ZNG1E: variants seen among roughly 807,000 people sequenced by gnomAD.
The protein encoded by ZNG1E is Zn regulated GTPase metalloprotein activator 1E.
At chr9:65,732,722 A>G in the ZNG1E span, 2 of 1,326,446 alleles carry the variant, frequency 1.5e-6, no homozygotes, top group Non-Finnish European at 1.9e-6. Flanking sequence ...AAAAACACTG[A>G]AAAACCATCC....
At chr9:65,699,122 C>T in the ZNG1E span, among the ~76,000 whole-genome samples, 1 of 150,810 alleles carries the variant, frequency 6.6e-6, no homozygotes, top group Non-Finnish European at 1.5e-5. Flanking sequence ...GGGGTTTCAC[C>T]ATGTTGGCCA....
the ZNG1E span, among the ~76,000 whole-genome samples, chr9:65,685,072 T>C: frequency 4.1e-5 from 6 of 144,612 alleles, no homozygotes; most frequent in Admixed American, 4.2e-4. Flanking sequence ...AAAAAAAAGC[T>C]GTGTTTATAC....
chr9:65,667,456 G>A, the ZNG1E span, among the ~76,000 whole-genome samples: 2 of 152,286 alleles, frequency 1.3e-5, no homozygotes, highest in Admixed American at 1.3e-4. Context: ...TTCCATAACT[G>A]AAGTAAACTA....
chr9:65,681,363 CT>C, the ZNG1E span, among the ~76,000 whole-genome samples: 1 of 152,332 alleles, frequency 6.6e-6, no homozygotes, highest in African/African-American at 2.4e-5. Flanking sequence ...TAGGATGTGT[CT>C]TTTTTCAGGG....
chr9:65,686,367 T>C, the ZNG1E span, among the ~76,000 whole-genome samples: 1 of 152,210 alleles, frequency 6.6e-6, no homozygotes, highest in African/African-American at 2.4e-5. Flanking sequence ...CCGGGCTCGG[T>C]GGCTCATGCC....
chr9:65,657,487 A>C, the ZNG1E span, among the ~76,000 whole-genome samples: 1 of 152,282 alleles, frequency 6.6e-6, no homozygotes, highest in Non-Finnish European at 1.5e-5. Context: ...CAAATTTCAC[A>C]TGTTCTCACT....
the ZNG1E span, among the ~76,000 whole-genome samples, chr9:65,728,569 T>C: frequency 1.3e-5 from 2 of 148,348 alleles, no homozygotes; most frequent in South Asian, 4.3e-4. Flanking sequence ...ATACAAAAGA[T>C]ATTCAAGGCT....
the ZNG1E span, among the ~76,000 whole-genome samples, chr9:65,686,408 G>A: frequency 6.6e-6 from 1 of 152,244 alleles, no homozygotes; most frequent in African/African-American, 2.4e-5. Flanking sequence ...AGGCCGAGAT[G>A]GGCAGATCAC....
chr9:65,659,052 C>G, the ZNG1E span, among the ~76,000 whole-genome samples: 1 of 152,166 alleles, frequency 6.6e-6, no homozygotes, highest in Non-Finnish European at 1.5e-5. Context: ...ATTCAGCCTA[C>G]AAAAACTGGA....
At chr9:65,662,428 C>T in the ZNG1E span, among the ~76,000 whole-genome samples, 4,579 of 146,786 alleles carry the variant, frequency 0.031, 2 homozygotes, top group Non-Finnish European at 0.047. Context: ...TGAATGGTAG[C>T]GTATCGACGC....
chr9:65,668,512 C>CAT, the ZNG1E span, among the ~76,000 whole-genome samples: 5,089 of 144,666 alleles, frequency 0.035, 2 homozygotes, highest in Admixed American at 0.058. Context: ...CATACACACA[C>CAT]ATATATATAT....
the ZNG1E span, among the ~76,000 whole-genome samples, chr9:65,658,192 A>T: frequency 6.7e-6 from 1 of 150,096 alleles, no homozygotes. Context: ...ATTGATTCAC[A>T]ACTTTAAAAA....
the ZNG1E span, among the ~76,000 whole-genome samples, chr9:65,691,306 C>A: frequency 1.3e-5 from 2 of 150,564 alleles, no homozygotes; most frequent in East Asian, 3.9e-4. Flanking sequence ...TGGTCTTGAA[C>A]CCCTGACTTC....
At chr9:65,671,948 C>T in the ZNG1E span, among the ~76,000 whole-genome samples, 5 of 137,504 alleles carry the variant, frequency 3.6e-5, no homozygotes, top group African/African-American at 1.4e-4. Context: ...ATATAAGTAC[C>T]TACACAATGT....
chr9:65,709,144 A>T, the ZNG1E span, among the ~76,000 whole-genome samples: 1 of 145,914 alleles, frequency 6.9e-6, no homozygotes, highest in East Asian at 2.0e-4. Flanking sequence ...ATCATATTGC[A>T]TTTTCCTGTA....
At chr9:65,681,106 G>C in the ZNG1E span, among the ~76,000 whole-genome samples, 1 of 151,288 alleles carries the variant, frequency 6.6e-6, no homozygotes, top group Non-Finnish European at 1.5e-5. Context: ...TCCTTAGGAT[G>C]AACTAGGGTT....
chr9:65,716,331 A>C, the ZNG1E span, among the ~76,000 whole-genome samples: 1 of 145,334 alleles, frequency 6.9e-6, no homozygotes, highest in African/African-American at 2.6e-5. Flanking sequence ...ATTTTTTTTT[A>C]ATTTTCTGTA....
chr9:65,666,923 C>T, the ZNG1E span, among the ~76,000 whole-genome samples: 136 of 144,728 alleles, frequency 9.4e-4, no homozygotes, highest in East Asian at 7.5e-3. Flanking sequence ...TAGGTTCAAG[C>T]GATTCTCCTG....
At chr9:65,673,563 T>C in the ZNG1E span, among the ~76,000 whole-genome samples, 1 of 152,194 alleles carries the variant, frequency 6.6e-6, no homozygotes, top group African/African-American at 2.4e-5. Context: ...GCTGGCCTCA[T>C]AGGTTACAGG....
Sources: allele counts gnomAD v4.1 joint callset (sites outside exome capture counted in the v4.1 genomes callset), GRCh38; gene constraint gnomAD v4.1.1; transcripts MANE v1.5; gene names NCBI Gene and HGNC (gene_info 2026-07-23, HGNC 2026-07-21).